The following ONECUT3 variants were observed in gnomAD, a reference collection of about 807,000 sequenced individuals.
The protein encoded by ONECUT3 is one cut homeobox 3.
ONECUT3 carries 11 observed loss-of-function variants against 16.8 expected under a neutral mutation model. That is an observed-to-expected ratio of 0.66 (90% CI 0.41 to 1.09). The LOEUF (loss-of-function observed/expected upper bound fraction) is 1.09. Ranked by LOEUF, ONECUT3 falls within the 50% of genes least tolerant of loss-of-function variation. The pLI, the probability that ONECUT3 is intolerant of heterozygous loss-of-function variation, is 0.00. For synonymous variants in ONECUT3, 344 were observed against 310.7 expected, an observed-to-expected ratio of 1.11 and a Z score of -1.13; for missense variants, 637 against 629.9, an observed-to-expected ratio of 1.01 and a Z score of -0.12.
At chr19:1,768,252 T>TA (rs1359930016) in intron 1 of ONECUT3, among the ~76,000 whole-genome samples, 1 of 144,564 alleles carries the variant, frequency 6.9e-6, no homozygotes, top group Non-Finnish European at 1.5e-5. Context: ...GGGAAGGAGA[T>TA]ACCTGAGCAG....
At position 1,780,108 on chromosome 19, in the gene ONECUT3, T is replaced by C. The variant is rs2068144028; in HGVS notation, c.*4663T>C. 1 of 150,934 alleles carries C rather than the reference T, an allele frequency of 6.6e-6. No individual in the cohort carries two copies. Among genetic ancestry groups the C allele is most frequent in the Non-Finnish European group, 1.5e-5 (1 of 67,874 alleles). The allele number at this position is 150,934 out of a possible 1,614,324, so 9.3% of individuals were successfully genotyped here. ...TGCCCAGGGTGGTGGGGGACGGGAG[T>C]GTGCCCCAACTTCCTGAGATCTGAA... is the stretch of plus-strand genomic sequence containing the variant. On this transcript the variant is annotated 3_prime_UTR_variant, in exon 2 of 2. Transcript: ENST00000382349.
rs986181701 is a variant in ONECUT3, at chr19:1,766,514, TAA to T, written c.1193-8637_1193-8636del. Among the ~76,000 whole-genome samples the T allele has an allele frequency of 1.1e-5, 1 of 95,234 alleles. No individual in the cohort carries two copies. The highest frequency in any genetic ancestry group is 2.8e-4 in the East Asian group (1 of 3,616). The allele number at this position is 95,234 out of a possible 152,430, so 62.5% of individuals were successfully genotyped here. A position where few individuals can be genotyped will look rare whatever the true frequency, so the allele number is the denominator to read the frequency against. Reference sequence around the variant, plus strand: ...AAGGAAGGGGAAGAGGGGAGGGAGGTAAAGAGAGGGAGGGAAGGAAAGGGAGG... The same window carrying T: ...AAGGAAGGGGAAGAGGGGAGGGAGGTAGAGAGGGAGGGAAGGAAAGGGAGG... On this transcript the variant is annotated intron_variant, in intron 1 of 1. Coordinates refer to ENST00000382349, the MANE Select transcript of ONECUT3 (RefSeq NM_001080488.2). The surrounding 1 kb of genome is among the most constrained non-coding windows in gnomAD (Gnocchi z 4.0).
Position 1,779,423 on chromosome 19 carries a change from G to A in ONECUT3, c.*3978G>A, listed in dbSNP as rs1316094995. The A allele has an allele frequency of 1.3e-5, 2 of 151,756 alleles. No individual in the cohort carries two copies. Among genetic ancestry groups the A allele is most frequent in the Non-Finnish European group, 1.5e-5 (1 of 67,892 alleles). The allele number at this position is 151,756 out of a possible 1,614,324, so 9.4% of individuals were successfully genotyped here. A position where few individuals can be genotyped will look rare whatever the true frequency, so the allele number is the denominator to read the frequency against. On this transcript the variant is annotated 3_prime_UTR_variant, in exon 2 of 2. Transcript: ENST00000382349. ...AGAGAGAGAGAGCGAGCGCAAGAGA[G>A]AGAGAGAGGGAGAGAGAGGGAGAGG...
At chr19:1,768,771 T>G (rs1600351773) in intron 1 of ONECUT3, among the ~76,000 whole-genome samples, 2 of 144,134 alleles carry the variant, frequency 1.4e-5, no homozygotes, top group African/African-American at 2.6e-5. Context: ...AGGAAGGGGG[T>G]GAGTAAAAGA....
intron 1 of ONECUT3, among the ~76,000 whole-genome samples, chr19:1,760,196 A>G (rs759020562): frequency 1.3e-4 from 20 of 152,176 alleles, no homozygotes; most frequent in Non-Finnish European, 2.8e-4. Flanking sequence ...AGAGCCCCGC[A>G]CTGCTTCTGA....
intron 1 of ONECUT3, among the ~76,000 whole-genome samples, chr19:1,773,513 G>A (rs984132892): frequency 2.0e-5 from 3 of 152,186 alleles, no homozygotes; most frequent in Non-Finnish European, 2.9e-5. Flanking sequence ...TATGGACATT[G>A]ATCTAGCATG....
chr19:1,780,227 T>C lies in ONECUT3; in HGVS notation c.*4782T>C, dbSNP rs1296209345. ...TCGGCCTCCCTCCCTGGGCTGGGCA[T>C]GAGTCCGCCTTTCTGTCCAGCCCGG... On this transcript the variant is annotated 3_prime_UTR_variant, in exon 2 of 2. Coordinates refer to ENST00000382349, the MANE Select transcript of ONECUT3 (RefSeq NM_001080488.2). 6.8e-6 allele frequency: 1 copy of C among 147,000 alleles called. No individual in the cohort carries two copies. Among genetic ancestry groups the C allele is most frequent in the Non-Finnish European group, 1.5e-5 (1 of 66,698 alleles). The allele number at this position is 147,000 out of a possible 1,614,324, so 9.1% of individuals were successfully genotyped here. A position where few individuals can be genotyped will look rare whatever the true frequency, so the allele number is the denominator to read the frequency against.
chr19:1,770,546 T>G (rs2068044785), intron 1 of ONECUT3, among the ~76,000 whole-genome samples: 1 of 152,106 alleles, frequency 6.6e-6, no homozygotes, highest in African/African-American at 2.4e-5. Flanking sequence ...CTGTCCCTAC[T>G]GTAAATGTAG....
In ONECUT3 at chr19:1,758,072, G is replaced by A. The variant is rs2067926274; in HGVS notation, c.1192+3218G>A. On this transcript the variant is annotated intron_variant, in intron 1 of 1. Coordinates refer to ENST00000382349, the MANE Select transcript of ONECUT3 (RefSeq NM_001080488.2). This position sits in a 1 kb window ranked among gnomAD's most constrained non-coding sequence, Gnocchi z 5.9. ...TCCGCAGGTGCCGAGTGTCCTGCCG[G>A]GCGCCGGGGCCAGGACAGAGACGGG... Among the ~76,000 whole-genome samples, 1 of 152,148 alleles carries A rather than the reference G, an allele frequency of 6.6e-6. No homozygotes were observed. The highest frequency in any genetic ancestry group is 1.5e-5 in the Non-Finnish European group (1 of 68,022).
chr19:1,771,034 A>G (rs971181646), intron 1 of ONECUT3, among the ~76,000 whole-genome samples: 1 of 152,222 alleles, frequency 6.6e-6, no homozygotes, highest in Admixed American at 6.5e-5. Flanking sequence ...AGCCATGTAG[A>G]GTACTAGGAC....
chr19:1,761,894 C>T (rs917463167), intron 1 of ONECUT3, among the ~76,000 whole-genome samples: 3 of 152,136 alleles, frequency 2.0e-5, no homozygotes, highest in Admixed American at 2.0e-4. Flanking sequence ...GGGACCCCTC[C>T]GAGCTACCAA....
In ONECUT3 at chr19:1,758,315, A is replaced by AGAGAGAGAGAGAGAGAGAGAG. The variant is rs1408374614; in HGVS notation, c.1192+3461_1192+3462insGAGAGAGAGAGAGAGAGAGAG. ...GCAGAGAGACCAAAAAAAAAAAAAA[A>AGAGAGAGAGAGAGAGAGAGAG]AGAGAGAGAGAGAGAGAGAGACAGA... On this transcript the variant is annotated intron_variant, in intron 1 of 1. Coordinates refer to ENST00000382349, the MANE Select transcript of ONECUT3 (RefSeq NM_001080488.2). The surrounding 1 kb of genome is among the most constrained non-coding windows in gnomAD (Gnocchi z 5.9). Among the ~76,000 whole-genome samples, 1 of 77,056 alleles carries AGAGAGAGAGAGAGAGAGAGAG rather than the reference A, an allele frequency of 1.3e-5. No individual in the cohort carries two copies. Among genetic ancestry groups the AGAGAGAGAGAGAGAGAGAGAG allele is most frequent in the African/African-American group, 4.0e-5 (1 of 24,838 alleles). 50.6% of individuals were successfully genotyped at this position (77,056 alleles called of 152,430 possible).
chr19:1,775,140 C>CCCCCCCCCCCCCCCCCCCCCCCA lies in ONECUT3; in HGVS notation c.1193-13_1193-12insCCCCCCCCCCCCCCCCCCCCCCA. ...GTGTCCCGCTCGCCCGCCCGCCCGCCGCTCGCCCGCAGCCTGCAAGCGCAA... is the reference window on the plus strand; with the variant it reads ...GTGTCCCGCTCGCCCGCCCGCCCGCCCCCCCCCCCCCCCCCCCCCCCCAGCTCGCCCGCAGCCTGCAAGCGCAA... On this transcript the variant is annotated splice_polypyrimidine_tract_variant and intron_variant, in intron 1 of 1. Coordinates refer to ENST00000382349, the MANE Select transcript of ONECUT3 (RefSeq NM_001080488.2). 1 of 1,378,796 alleles carries CCCCCCCCCCCCCCCCCCCCCCCA rather than the reference C, an allele frequency of 7.3e-7. No individual in the cohort carries two copies. 85.4% of individuals were successfully genotyped at this position (1,378,796 alleles called of 1,614,324 possible).
intron 1 of ONECUT3, among the ~76,000 whole-genome samples, chr19:1,761,062 T>C (rs1407741778): frequency 6.7e-6 from 1 of 149,008 alleles, no homozygotes; most frequent in Non-Finnish European, 1.5e-5. Flanking sequence ...TTTTTTTTTT[T>C]TTTTTTGGAG....
Position 1,775,138 on chromosome 19 carries a change from G to GCCCC in ONECUT3, c.1193-13_1193-12insCCCC, listed in dbSNP as rs2145968848. The stretch of plus-strand genomic sequence containing the variant: ...CTGTGTCCCGCTCGCCCGCCCGCCC[G>GCCCC]CCGCTCGCCCGCAGCCTGCAAGCGC... On this transcript the variant is annotated splice_polypyrimidine_tract_variant and intron_variant, in intron 1 of 1. Transcript: ENST00000382349. 2 of 730,536 alleles carry GCCCC rather than the reference G, an allele frequency of 2.7e-6. No individual in the cohort carries two copies. Among genetic ancestry groups the GCCCC allele is most frequent in the Non-Finnish European group, 3.9e-6 (2 of 507,838 alleles). 45.3% of individuals were successfully genotyped at this position (730,536 alleles called of 1,614,324 possible).
intron 1 of ONECUT3, among the ~76,000 whole-genome samples, chr19:1,761,156 G>C (rs1246279553): frequency 6.8e-6 from 1 of 148,028 alleles, no homozygotes; most frequent in Non-Finnish European, 1.5e-5. Flanking sequence ...AGGTTCAAGT[G>C]ATTCTCCTGC....
chr19:1,756,174 C>T, intron 1 of ONECUT3, among the ~76,000 whole-genome samples: 1 of 152,108 alleles, frequency 6.6e-6, no homozygotes, highest in Non-Finnish European at 1.5e-5. Flanking sequence ...GAAAGCCATT[C>T]CCTCCCTCCA....
In ONECUT3 at chr19:1,773,132, T is replaced by C. The variant is rs115163706; in HGVS notation, c.1193-2021T>C. Among the ~76,000 whole-genome samples, 847 of 152,268 alleles carry C rather than the reference T, an allele frequency of 5.6e-3. 7 individuals are homozygous for C. Among genetic ancestry groups the C allele is most frequent in the African/African-American group, 0.019 (772 of 41,542 alleles). On this transcript the variant is annotated intron_variant, in intron 1 of 1. Coordinates refer to ENST00000382349, the MANE Select transcript of ONECUT3 (RefSeq NM_001080488.2). ...TTTACTTAACAGCATCCTGTACTTGTTTCATGGATACGATATTTTTCTCTT... is the reference window on the plus strand; with the variant it reads ...TTTACTTAACAGCATCCTGTACTTGCTTCATGGATACGATATTTTTCTCTT...
rs2068141893 is a variant in ONECUT3 at position 1,779,839 on chromosome 19, G to A, written c.*4394G>A. On this transcript the variant is annotated 3_prime_UTR_variant, in exon 2 of 2. Transcript: ENST00000382349. ...GCCCCAGGTAGAGGGGGCGGGAACA[G>A]AGCCTCAGTAGCCGGGTCTCCTCCA... 1 of 152,024 alleles carries A rather than the reference G, an allele frequency of 6.6e-6. No individual in the cohort carries two copies. The highest frequency in any genetic ancestry group is 6.5e-5 in the Admixed American group (1 of 15,270). The allele number at this position is 152,024 out of a possible 1,614,324, so 9.4% of individuals were successfully genotyped here.
Sources: allele counts gnomAD v4.1 joint callset (sites outside exome capture counted in the v4.1 genomes callset), GRCh38; gene constraint gnomAD v4.1.1; non-coding constraint Gnocchi (gnomAD v3.1); transcripts MANE v1.5; gene names NCBI Gene and HGNC (gene_info 2026-07-23, HGNC 2026-07-21).